Variants in CNTN3 observed in about 807,000 individuals in gnomAD.
The protein encoded by CNTN3 is contactin-3.
Under a neutral mutation model 119.1 loss-of-function variants are expected in CNTN3, and 60 were observed. The ratio of observed to expected loss-of-function variants is 0.50; its 90% CI spans 0.41 to 0.62. The LOEUF (loss-of-function observed/expected upper bound fraction) is 0.62, where lower values mean the gene tolerates loss of function less well. Ranked by LOEUF, CNTN3 falls within the 20% of genes least tolerant of loss-of-function variation. The pLI is 0.00. For missense variants in CNTN3, 1,101 were observed against 1,242.4 expected (o/e 0.89, Z 1.71); for synonymous variants, 450 against 438.7 (o/e 1.03, Z -0.32).
At chr3:74,438,621 G>A (rs7433893) in intron 4 of CNTN3, among the ~76,000 whole-genome samples, 64,334 of 151,928 alleles carry the variant, frequency 0.42, 13,730 homozygotes, top group East Asian at 0.57. Context: ...TGTCTCTCCA[G>A]GAACACCATA....
In CNTN3 at chr3:74,291,239, T is replaced by C. The variant is rs377693006; in HGVS notation, c.2517+3882A>G. Among the ~76,000 whole-genome samples, 18 of 152,206 alleles carry C rather than the reference T, an allele frequency of 1.2e-4. 1 individual carries two copies. The East Asian group carries it at 1.9e-3, about 16-fold the overall frequency. ...TACAAAGGACATGAACTCATCCTTT[T>C]TTATGGCTGCATAGTATTCCATGGT... On this transcript the variant is annotated intron_variant, in intron 19 of 22. Transcript: ENST00000263665.
chr3:74,555,246 C>A (rs1250711023), intron 1 of CNTN3, among the ~76,000 whole-genome samples: 1 of 152,186 alleles, frequency 6.6e-6, no homozygotes, highest in East Asian at 1.9e-4. Flanking sequence ...ACCAGTCTTG[C>A]ATTCCAGGTA....
At position 74,582,677 on chromosome 3, in the gene CNTN3, G is replaced by A. The variant is rs554515241; in HGVS notation, c.-81+31714C>T. ...TAGGATGGCTAAAATAAAAGAGACT[G>A]GCAAATGTTAGCAAAGAAAGTAGTA... On this transcript the variant is annotated intron_variant, in intron 1 of 22. Transcript: ENST00000263665. Among the ~76,000 whole-genome samples the A allele has an allele frequency of 1.7e-4, 26 of 152,232 alleles. 1 individual carries two copies. In the South Asian group the frequency reaches 3.9e-3, roughly 23 times the overall value.
intron 1 of CNTN3, among the ~76,000 whole-genome samples, chr3:74,562,610 G>A (rs764633958): frequency 2.0e-5 from 3 of 152,152 alleles, no homozygotes; most frequent in Non-Finnish European, 2.9e-5. Context: ...TGGTAGGCCT[G>A]TGAAGGTTTT....
chr3:74,399,196 A>T (rs1355288600), intron 5 of CNTN3, among the ~76,000 whole-genome samples: 2 of 152,110 alleles, frequency 1.3e-5, no homozygotes, highest in Non-Finnish European at 2.9e-5. Flanking sequence ...TGACATAGGT[A>T]AACTTGTGTC....
intron 1 of CNTN3, among the ~76,000 whole-genome samples, chr3:74,523,716 C>T (rs567347010): frequency 1.3e-5 from 2 of 151,916 alleles, no homozygotes; most frequent in South Asian, 4.2e-4. Flanking sequence ...TCTTTAATAT[C>T]AAAAACTATT....
At chr3:74,607,659 C>T (rs1559677365) in intron 1 of CNTN3, among the ~76,000 whole-genome samples, 1 of 152,114 alleles carries the variant, frequency 6.6e-6, no homozygotes, top group Non-Finnish European at 1.5e-5. Context: ...CCCAAGATTT[C>T]CATTTCCATA....
chr3:74,476,417 C>A (rs1702656356), intron 4 of CNTN3, among the ~76,000 whole-genome samples: 1 of 152,148 alleles, frequency 6.6e-6, no homozygotes, highest in Admixed American at 6.5e-5. Flanking sequence ...AGGTTCCTGG[C>A]AGCAGCAATA....
intron 1 of CNTN3, among the ~76,000 whole-genome samples, chr3:74,565,929 C>T (rs1704219545): frequency 6.6e-6 from 1 of 152,206 alleles, no homozygotes; most frequent in East Asian, 1.9e-4. Context: ...CTTTTCCATG[C>T]TGTTCTTGTG....
intron 5 of CNTN3, among the ~76,000 whole-genome samples, chr3:74,403,800 G>T (rs182444843): frequency 3.9e-4 from 59 of 152,122 alleles, no homozygotes; most frequent in Admixed American, 7.2e-4. Flanking sequence ...CATTAAAATA[G>T]AAAAGTTTAA....
At chr3:74,495,602 C>T (rs1703047229) in intron 3 of CNTN3, among the ~76,000 whole-genome samples, 1 of 152,032 alleles carries the variant, frequency 6.6e-6, no homozygotes, top group Non-Finnish European at 1.5e-5. Flanking sequence ...CTTACATCCA[C>T]TCCTTGAATA....
intron 5 of CNTN3, among the ~76,000 whole-genome samples, chr3:74,376,278 G>A (rs1172550502): frequency 2.0e-5 from 3 of 152,160 alleles, no homozygotes; most frequent in Non-Finnish European, 4.4e-5. Context: ...GTACTGGTCT[G>A]TGGCCTGTTA....
intron 5 of CNTN3, among the ~76,000 whole-genome samples, chr3:74,411,642 C>T (rs1701439970): frequency 6.6e-6 from 1 of 152,160 alleles, no homozygotes. Flanking sequence ...GAAAATGCTG[C>T]TCAATGTCAC....
intron 1 of CNTN3, among the ~76,000 whole-genome samples, chr3:74,570,479 T>C (rs1209622011): frequency 2.1e-5 from 3 of 141,950 alleles, no homozygotes; most frequent in South Asian, 4.4e-4. Flanking sequence ...ACTGGCTCTC[T>C]CGCAACATTA....
At chr3:74,527,949 A>C (rs1703643086) in intron 1 of CNTN3, among the ~76,000 whole-genome samples, 1 of 151,942 alleles carries the variant, frequency 6.6e-6, no homozygotes, top group Admixed American at 6.6e-5. Context: ...AAGGTAGCCA[A>C]ATCTAAGGTG....
chr3:74,524,664 C>A (rs1439517290), intron 1 of CNTN3, among the ~76,000 whole-genome samples: 1 of 151,760 alleles, frequency 6.6e-6, no homozygotes, highest in African/African-American at 2.4e-5. Context: ...GGACACCACT[C>A]CCCCATCAAC....
intron 10 of CNTN3, among the ~76,000 whole-genome samples, chr3:74,362,490 T>C (rs1284165314): frequency 6.6e-6 from 1 of 152,208 alleles, no homozygotes; most frequent in Non-Finnish European, 1.5e-5. Flanking sequence ...CATATGCATG[T>C]ATCAAGTTCC....
rs150100135 is a variant in CNTN3, at chr3:74,535,430, T to A, written c.-80-14238A>T. 7.2e-5 allele frequency among the ~76,000 whole-genome samples: 11 copies of A among 152,198 alleles called. No individual in the cohort carries two copies. In the East Asian group the frequency reaches 2.1e-3, roughly 30 times the overall value. On this transcript the variant is annotated intron_variant, in intron 1 of 22. Transcript: ENST00000263665. ...AGCAACAAGCCACCATTTGTTTTTA[T>A]ACAAATAGCAATGATTCACGATGAT... is the stretch of plus-strand genomic sequence containing the variant.
At chr3:74,379,159 C>G (rs1413569448) in intron 5 of CNTN3, among the ~76,000 whole-genome samples, 2 of 152,020 alleles carry the variant, frequency 1.3e-5, no homozygotes, top group South Asian at 4.1e-4. Context: ...CTTATCTTCA[C>G]TTTTGTTTTT....
Sources: gnomAD v4.1 joint callset for allele counts (sites outside exome capture counted in the v4.1 genomes callset) on GRCh38, gnomAD v4.1.1 for gene constraint, MANE v1.5 for transcripts, NCBI Gene and HGNC (gene_info 2026-07-23, HGNC 2026-07-21) for gene names.